Variants in NDUFA8 observed in about 807,000 individuals in gnomAD.
NDUFA8 encodes the protein NADH dehydrogenase [ubiquinone] 1 alpha subcomplex subunit 8.
In NDUFA8, 16 loss-of-function variants were observed where a neutral mutation model predicts 20.9. That is an observed-to-expected ratio of 0.77 (90% CI 0.52 to 1.16). NDUFA8 has a LOEUF of 1.16. Ranked by LOEUF, NDUFA8 falls within the 50% of genes most tolerant of loss-of-function variation. The probability of loss-of-function intolerance (pLI) is 0.00; values close to 1 mark genes in which losing one functional copy is unlikely to be tolerated. For missense variants in NDUFA8, 202 were observed against 216.4 expected (o/e 0.93, Z 0.42); for synonymous variants, 70 against 76.1 (o/e 0.92, Z 0.41).
rs145610845 is a variant in NDUFA8 at position 122,150,638 on chromosome 9, T to A, written c.215+1607A>T. ...AGGAATTGGTCAGGTACGTTATGGTTGGTTTATCCACTGATGGAATAATAT... is the reference window on the plus strand; with the variant it reads ...AGGAATTGGTCAGGTACGTTATGGTAGGTTTATCCACTGATGGAATAATAT... On this transcript the variant is annotated intron_variant, in intron 2 of 3. Transcript: ENST00000373768. Among the ~76,000 whole-genome samples, 14 of 152,140 alleles carry A rather than the reference T, an allele frequency of 9.2e-5. No homozygotes were observed. In the East Asian group the frequency reaches 2.5e-3, roughly 27 times the overall value.
At chr9:122,132,980 G>A in the NDUFA8 span, 12 of 455,908 alleles carry the variant, frequency 2.6e-5, no homozygotes, top group South Asian at 1.7e-4. Context: ...CACCCCTAGC[G>A]AGGGAAAAGG....
chr9:122,149,821 G>A (rs1056799764), intron 2 of NDUFA8, among the ~76,000 whole-genome samples: 10 of 152,054 alleles, frequency 6.6e-5, no homozygotes, highest in Admixed American at 1.3e-4. Flanking sequence ...AGCCAGGCAG[G>A]TGGCACACAC....
At chr9:122,138,865 TG>T in the NDUFA8 span, among the ~76,000 whole-genome samples, 180 of 89,430 alleles carry the variant, frequency 2.0e-3, 7 homozygotes, top group East Asian at 0.027. Context: ...CAAGAAGAGG[TG>T]GGGGGGGGGC....
At chr9:122,158,986 C>T (rs1829129035) in intron 1 of NDUFA8, among the ~76,000 whole-genome samples, 1 of 152,020 alleles carries the variant, frequency 6.6e-6, no homozygotes, top group African/African-American at 2.4e-5. Context: ...ACTGTGACTG[C>T]CTCTTTATGT....
At chr9:122,159,484 TC>T in intron 1 of NDUFA8, 142 bp downstream of exon 1, 1 of 982,720 alleles carries the variant, frequency 1.0e-6, no homozygotes. Context: ...GGAGGGGACC[TC>T]CGGGGGTCGA....
At chr9:122,147,836 G>A (rs1971583) in intron 3 of NDUFA8, among the ~76,000 whole-genome samples, 1 of 151,842 alleles carries the variant, frequency 6.6e-6, no homozygotes, top group Non-Finnish European at 1.5e-5. Context: ...CCATGTTAGC[G>A]AGGATGGTCT....
In NDUFA8 at chr9:122,159,735, T is replaced by A; in HGVS notation, c.-58A>T. ...CTCAGCCGCGTCGCCCCCGTCTCCT[T>A]GAACTCCCCTTTCGACCGCCGAGTG... On this transcript the variant is annotated 5_prime_UTR_variant, in exon 1 of 4. Transcript: ENST00000373768. 1 of 1,612,386 alleles carries A rather than the reference T, an allele frequency of 6.2e-7. No homozygotes were observed. Among genetic ancestry groups the A allele is most frequent in the Non-Finnish European group, 8.5e-7 (1 of 1,178,908 alleles).
chr9:122,133,672 A>G, the NDUFA8 span, among the ~76,000 whole-genome samples: 1 of 152,252 alleles, frequency 6.6e-6, no homozygotes, highest in East Asian at 1.9e-4. Flanking sequence ...AACAGGCCAG[A>G]TCTGAGGGTG....
intron 1 of NDUFA8, 146 bp from the exon 2 acceptor site, chr9:122,152,554 A>AGT: frequency 1.8e-6 from 1 of 544,802 alleles, no homozygotes; most frequent in Non-Finnish European, 2.8e-6. Flanking sequence ...TCATAATAAT[A>AGT]ATTTTTTTTT....
At chr9:122,147,616 A>ATTTTTTT (rs1564408372) in intron 3 of NDUFA8, among the ~76,000 whole-genome samples, 1 of 106,010 alleles carries the variant, frequency 9.4e-6, no homozygotes, top group African/African-American at 4.4e-5. Flanking sequence ...GGCCTAAAGA[A>ATTTTTTT]ATTTTTTTTT....
rs1829014897 is a variant in NDUFA8, at chr9:122,152,342, T to C, written c.118A>G (p.Asn40Asp). The change falls in exon 2 of 4, where the codon AAC (asparagine) becomes GAC (aspartate). Residue 40 changes from asparagine to aspartate, a missense_variant. Transcript: ENST00000373768. ...CAGCGGCAGAGCATAAACTCCTTGT[T>C]GGGCTTATCACATTGAGCTCCATAG... ...HHYGAQCDKP[N>D]KEFMLCRWEE... 6.2e-7 allele frequency: 1 copy of C among 1,614,174 alleles called. No homozygotes were observed. The highest frequency in any genetic ancestry group is 8.5e-7 in the Non-Finnish European group (1 of 1,180,034).
intron 1 of NDUFA8, among the ~76,000 whole-genome samples, chr9:122,154,699 C>A (rs554094156): frequency 6.6e-6 from 1 of 152,164 alleles, no homozygotes; most frequent in Non-Finnish European, 1.5e-5. Context: ...CCAACCCCTT[C>A]AGGACAATAC....
At chr9:122,143,291 C>A (rs528951984), downstream of NDUFA8, among the ~76,000 whole-genome samples, 1 of 152,022 alleles carries the variant, frequency 6.6e-6, no homozygotes, top group African/African-American at 2.4e-5. Flanking sequence ...CGGGGTCATA[C>A]GCAATTTAAA....
At chr9:122,152,126 G>A (rs1829008765) in intron 2 of NDUFA8, 119 bp downstream of exon 2, 13 of 1,129,450 alleles carry the variant, frequency 1.2e-5, no homozygotes, top group Middle Eastern at 2.0e-4. Context: ...GTTTTACCTT[G>A]GTCTGATTTC....
At chr9:122,158,746 T>C (rs1829121841) in intron 1 of NDUFA8, among the ~76,000 whole-genome samples, 3 of 149,524 alleles carry the variant, frequency 2.0e-5, no homozygotes, top group Admixed American at 6.7e-5. Flanking sequence ...ATTGTGTATA[T>C]ATATATATGG....
rs7868403 is a variant in NDUFA8 at position 122,158,829 on chromosome 9, C to T, written c.51+798G>A. Among the ~76,000 whole-genome samples the T allele has an allele frequency of 2.6e-3, 392 of 148,702 alleles. 1 individual carries two copies. The highest frequency in any genetic ancestry group is 9.2e-3 in the African/African-American group (364 of 39,366). ...TGTGTGTATATATATATATATCCTA[C>T]CTTATAGTGTTGCTGGGAGGATTCA... On this transcript the variant is annotated intron_variant, in intron 1 of 3. Transcript: ENST00000373768.
downstream of NDUFA8, among the ~76,000 whole-genome samples, chr9:122,140,337 A>T (rs576418682): frequency 2.6e-5 from 4 of 152,344 alleles, no homozygotes; most frequent in East Asian, 3.9e-4. Flanking sequence ...TAAATAGGAG[A>T]AGCAGCTTTT....
At chr9:122,133,760 G>A in the NDUFA8 span, among the ~76,000 whole-genome samples, 6 of 152,256 alleles carry the variant, frequency 3.9e-5, no homozygotes, top group Admixed American at 3.3e-4. Context: ...GGGCGAGCGC[G>A]TGAGGTGGAG....
At chr9:122,147,617 ATTTTTT>A (rs34576446) in intron 3 of NDUFA8, among the ~76,000 whole-genome samples, 69 of 106,772 alleles carry the variant, frequency 6.5e-4, no homozygotes, top group Non-Finnish European at 1.1e-3. Flanking sequence ...GCCTAAAGAA[ATTTTTT>A]TTTTTTTTTT....
Sources: gnomAD v4.1 joint callset for allele counts (sites outside exome capture counted in the v4.1 genomes callset) on GRCh38, gnomAD v4.1.1 for gene constraint, MANE v1.5 for transcripts, NCBI Gene and HGNC (gene_info 2026-07-23, HGNC 2026-07-21) for gene names.